PSD3: variants seen among roughly 807,000 people sequenced by gnomAD.
The protein encoded by PSD3 is PH and SEC7 domain-containing protein 3.
In PSD3, 49 loss-of-function variants were observed where a neutral mutation model predicts 105.5. The observed-to-expected ratio is 0.46, with a 90% CI of 0.37 to 0.59. The LOEUF (loss-of-function observed/expected upper bound fraction) is 0.59, where lower values mean the gene tolerates loss of function less well. PSD3 is among the 20% of genes least tolerant of loss of function. The probability of loss-of-function intolerance (pLI) is 0.00; values close to 1 mark genes in which losing one functional copy is unlikely to be tolerated. For missense variants in PSD3, 1,561 were observed against 1,263.8 expected (o/e 1.24, Z -3.57); for synonymous variants, 557 against 457.8 (o/e 1.22, Z -2.77).
chr8:18,620,433 G>A (rs944583347), intron 11 of PSD3, among the ~76,000 whole-genome samples: 1 of 151,836 alleles, frequency 6.6e-6, no homozygotes, highest in Admixed American at 6.6e-5. Flanking sequence ...TGGAGGGCCA[G>A]GCATGGTGGC....
intron 1 of PSD3, among the ~76,000 whole-genome samples, chr8:18,943,906 G>C (rs541511837): frequency 6.6e-6 from 1 of 151,922 alleles, no homozygotes; most frequent in Non-Finnish European, 1.5e-5. Flanking sequence ...GCAGGAGACC[G>C]GAAGAGTTTT....
intron 1 of PSD3, among the ~76,000 whole-genome samples, chr8:18,956,189 C>T (rs565017830): frequency 1.1e-4 from 16 of 152,304 alleles, no homozygotes; most frequent in Admixed American, 2.6e-4. Flanking sequence ...GTGTAAAACA[C>T]GCTTAGAAAA....
rs184514937 is a variant in PSD3 at position 18,733,583 on chromosome 8, G to C, written c.2172+31866C>G. 6 of 152,594 alleles carry C rather than the reference G, an allele frequency of 3.9e-5. No homozygotes were observed. The East Asian group carries it at 1.2e-3, about 29-fold the overall frequency. 9.5% of individuals were successfully genotyped at this position (152,594 alleles called of 1,614,324 possible). A position where few individuals can be genotyped will look rare whatever the true frequency, so the allele number is the denominator to read the frequency against. On this transcript the variant is annotated intron_variant, in intron 9 of 15. Coordinates refer to ENST00000327040, the MANE Select transcript of PSD3 (RefSeq NM_015310.4). ...GAGATTATTCTGAGTCCCTATGCAA[G>C]TAGCCCAGTTGAGCCTGGACAAGAA...
At chr8:18,907,560 C>A (rs1819926359) in intron 2 of PSD3, among the ~76,000 whole-genome samples, 1 of 152,190 alleles carries the variant, frequency 6.6e-6, no homozygotes, top group African/African-American at 2.4e-5. Context: ...TGTGTTACAA[C>A]TGTCTACTGC....
intron 9 of PSD3, among the ~76,000 whole-genome samples, chr8:18,671,956 C>G (rs888469203): frequency 1.3e-5 from 2 of 152,084 alleles, no homozygotes; most frequent in African/African-American, 4.8e-5. Flanking sequence ...CTTTTATACC[C>G]TGATCCTCTG....
intron 1 of PSD3, among the ~76,000 whole-genome samples, chr8:19,077,699 A>G (rs919980636): frequency 1.3e-5 from 2 of 152,236 alleles, no homozygotes; most frequent in Non-Finnish European, 2.9e-5. Context: ...TTTTAAAAAC[A>G]ACATCCTTGA....
chr8:18,773,228 G>T (rs1807713121), intron 8 of PSD3, among the ~76,000 whole-genome samples: 1 of 151,108 alleles, frequency 6.6e-6, no homozygotes, highest in African/African-American at 2.4e-5. Flanking sequence ...TCTTTTTTTT[G>T]CATGAAGATA....
Position 18,774,563 on chromosome 8 carries a change from T to C in PSD3, c.2083-9025A>G, listed in dbSNP as rs185908135. On this transcript the variant is annotated intron_variant, in intron 8 of 15. Transcript: ENST00000327040. ...CAGCAATGTTCATGCCTAGACCTCT[T>C]ACTTCTGTCGTTGGTACAGCCTGTT... 213 of 333,630 alleles carry C rather than the reference T, an allele frequency of 6.4e-4. 1 individual carries two copies. The highest frequency in any genetic ancestry group is 1.2e-3 in the Admixed American group (30 of 25,588). 20.7% of individuals were successfully genotyped at this position (333,630 alleles called of 1,614,324 possible).
At chr8:19,049,590 C>G (rs1020538789) in intron 1 of PSD3, among the ~76,000 whole-genome samples, 15 of 149,564 alleles carry the variant, frequency 1.0e-4, no homozygotes, top group African/African-American at 3.7e-4. Context: ...ACTTGGGAGG[C>G]CAAGGCAGGA....
intron 11 of PSD3, among the ~76,000 whole-genome samples, chr8:18,616,902 C>T (rs1355449321): frequency 6.6e-6 from 1 of 152,124 alleles, no homozygotes; most frequent in African/African-American, 2.4e-5. Context: ...GGATTACAGG[C>T]GTGAGCCACC....
intron 2 of PSD3, among the ~76,000 whole-genome samples, chr8:18,907,608 G>A (rs558673710): frequency 6.6e-6 from 1 of 152,298 alleles, no homozygotes; most frequent in East Asian, 1.9e-4. Context: ...TTAGAGCCTA[G>A]GAGCAATAAG....
intron 2 of PSD3, among the ~76,000 whole-genome samples, chr8:18,927,147 C>T (rs779813711): frequency 9.9e-5 from 15 of 152,178 alleles, no homozygotes; most frequent in South Asian, 2.1e-4. Context: ...TCCCCAGGCA[C>T]GCCACCTTCC....
intron 11 of PSD3, 68 bp from the exon 12 acceptor site, chr8:18,600,502 C>T: frequency 7.9e-7 from 1 of 1,263,870 alleles, no homozygotes; most frequent in East Asian, 2.3e-5. Context: ...TCTAAATGAT[C>T]AACATGGTGA....
intron 15 of PSD3, among the ~76,000 whole-genome samples, chr8:18,550,909 T>C (rs1424171002): frequency 6.6e-6 from 1 of 152,224 alleles, no homozygotes; most frequent in African/African-American, 2.4e-5. Flanking sequence ...TAGCATTTGA[T>C]TCCACGCTAG....
chr8:18,874,837 C>A (rs1353079615), intron 2 of PSD3, among the ~76,000 whole-genome samples: 1 of 152,038 alleles, frequency 6.6e-6, no homozygotes, highest in Non-Finnish European at 1.5e-5. Context: ...ACGGTATCCC[C>A]CAGTGTGTTA....
At chr8:18,828,036 AATAT>A (rs1175323554) in intron 4 of PSD3, among the ~76,000 whole-genome samples, 1 of 134,884 alleles carries the variant, frequency 7.4e-6, no homozygotes, top group African/African-American at 2.9e-5. Context: ...ACATATATAT[AATAT>A]ATATATGTAT....
At chr8:18,854,995 A>G (rs1056223899) in intron 4 of PSD3, among the ~76,000 whole-genome samples, 1 of 152,222 alleles carries the variant, frequency 6.6e-6, no homozygotes, top group Non-Finnish European at 1.5e-5. Flanking sequence ...AACCAGGGAC[A>G]GCAGGAGTTG....
intron 1 of PSD3, among the ~76,000 whole-genome samples, chr8:18,987,915 C>G (rs564371509): frequency 6.6e-6 from 1 of 152,150 alleles, no homozygotes; most frequent in African/African-American, 2.4e-5. Context: ...AAACAAGGGC[C>G]TAGGCTTTAA....
intron 10 of PSD3, among the ~76,000 whole-genome samples, chr8:18,640,758 T>G (rs530564832): frequency 6.6e-6 from 1 of 152,326 alleles, no homozygotes; most frequent in Middle Eastern, 3.4e-3. Context: ...AAGAAAGCCC[T>G]GTTCTTTCCT....
Sources: gnomAD v4.1 joint callset for allele counts (sites outside exome capture counted in the v4.1 genomes callset) on GRCh38, gnomAD v4.1.1 for gene constraint, MANE v1.5 for transcripts, NCBI Gene and HGNC (gene_info 2026-07-23, HGNC 2026-07-21) for gene names.